The following ZMYM3 variants were observed in gnomAD, a reference collection of about 807,000 sequenced individuals.
ZMYM3 encodes zinc finger MYM-type containing 3, also known as zinc finger MYM-type protein 3.
ZMYM3 carries 6 observed loss-of-function variants against 94.2 expected under a neutral mutation model. The observed-to-expected ratio is 0.06, with a 90% confidence interval of 0.03 to 0.13. ZMYM3 has a LOEUF of 0.13. ZMYM3 is among the 10% of genes least tolerant of loss of function. ZMYM3 has a pLI of 1.00. For synonymous variants in ZMYM3, 420 were observed against 426.5 expected, an observed-to-expected ratio of 0.98 and a Z score of 0.19; for missense variants, 664 against 1,132.6, an observed-to-expected ratio of 0.59 and a Z score of 5.94.
At chrX:71,244,710 T>C (rs183485519) in intron 19 of ZMYM3, 80 bp downstream of exon 19, 657 of 939,824 alleles carry the variant, frequency 7.0e-4, no homozygotes, top group Non-Finnish European at 9.2e-4. Flanking sequence ...GGTCAAACTA[T>C]GGTTGCTGGC....
chrX:71,244,245 T>C lies in ZMYM3; in HGVS notation c.3280+57A>G. On this transcript the variant is annotated intron_variant, in intron 20 of 24. Transcript: ENST00000314425. ...ATCACAGGCCCAGCCCCTTCTCCCC[T>C]TTCCCCTCCTCCTCCCTGTCCCTGC... 8.0e-6 allele frequency: 9 copies of C among 1,121,577 alleles called. No homozygotes were observed. In the Admixed American group the frequency reaches 9.6e-5, roughly 12 times the overall value. 92.4% of individuals were successfully genotyped at this position (1,121,577 alleles called of 1,213,427 possible).
chrX:71,252,279 ACT>A (rs1385843719), intron 2 of ZMYM3, among the ~76,000 whole-genome samples: 3 of 110,711 alleles, frequency 2.7e-5, no homozygotes, highest in African/African-American at 9.9e-5. Flanking sequence ...TGAAGGAAGG[ACT>A]CTGGCACCAA....
Position 71,247,327 on chromosome X carries a change from C to A in ZMYM3, c.2314+18G>T, listed in dbSNP as rs1396231830. The A allele has an allele frequency of 1.7e-6, 2 of 1,174,275 alleles. No homozygotes were observed. The highest frequency in any genetic ancestry group is 3.8e-5 in the South Asian group (2 of 53,076). On this transcript the variant is annotated intron_variant, in intron 13 of 24. Transcript: ENST00000314425. ...CCAGGCTCCCTCTAACAGAGTGTAC[C>A]CCCTGCCTGGGACTCACTGTTCAGG... is the stretch of plus-strand genomic sequence containing the variant.
At chrX:71,244,509 G>T (rs771605276) in intron 19 of ZMYM3, 39 bp from the exon 20 acceptor site, 18 of 1,191,999 alleles carry the variant, frequency 1.5e-5, no homozygotes, top group Non-Finnish European at 1.9e-5. Flanking sequence ...GCAGAGGTAA[G>T]GCCAGAGGCA....
rs2030169906 is a variant in ZMYM3 at position 71,246,350 on chromosome X, C to T, written c.2572+3G>A. ...CCTGTGGCATCGAGGTACCCTGGCT[C>T]ACCTGTTTGACTTCCTTTGGACTTC... On this transcript the variant is annotated splice_donor_region_variant and intron_variant, in intron 15 of 24. Coordinates refer to ENST00000314425, the MANE Select transcript of ZMYM3 (RefSeq NM_201599.3). 1 of 1,210,687 alleles carries T rather than the reference C, an allele frequency of 8.3e-7. No individual in the cohort carries two copies. The highest frequency in any genetic ancestry group is 3.0e-5 in the East Asian group (1 of 33,816).
rs781578942 is a variant in ZMYM3, at chrX:71,253,285, G to A, written c.-19-11C>T. On this transcript the variant is annotated splice_polypyrimidine_tract_variant and intron_variant, in intron 1 of 24. Transcript: ENST00000314425. ...ATGGCTGGATATGTACTGCAGATTA[G>A]GAGTAGAAGAGGGGGCAGTAGAGGT... The A allele has an allele frequency of 1.7e-5, 19 of 1,119,987 alleles. No individual in the cohort carries two copies. The highest frequency in any genetic ancestry group is 2.2e-5 in the Non-Finnish European group (19 of 846,265). 92.3% of individuals were successfully genotyped at this position (1,119,987 alleles called of 1,213,427 possible).
chrX:71,246,369 G>A lies in ZMYM3; in HGVS notation c.2556C>T (p.Ser852=). 8.3e-7 allele frequency: 1 copy of A among 1,208,365 alleles called. No homozygotes were observed. The highest frequency in any genetic ancestry group is 1.8e-5 in the South Asian group (1 of 56,813). The change falls in exon 15 of 25, where the codon TCC becomes TCT. Residue 852 remains serine (S), a synonymous_variant. Transcript: ENST00000314425. ...CTGGCTCACCTGTTTGACTTCCTTTGGACTTCATCTCCACCTTGCAGGAGA... is the reference window on the plus strand; with the variant it reads ...CTGGCTCACCTGTTTGACTTCCTTTAGACTTCATCTCCACCTTGCAGGAGA... ...RGVSCKVEMK[S]KGSQTEEWKP... is the part of the protein sequence containing the mutation.
At chrX:71,250,779 C>T in intron 4 of ZMYM3, 53 bp from the exon 5 acceptor site, 1 of 1,095,553 alleles carries the variant, frequency 9.1e-7, no homozygotes. Flanking sequence ...AGGTCTCCAA[C>T]CATCCCCTGA....
At position 71,239,950 on chromosome X, in the gene ZMYM3, G is replaced by A. The variant is rs1469255051; in HGVS notation, c.*966C>T. 2 of 112,750 alleles carry A rather than the reference G, an allele frequency of 1.8e-5. No homozygotes were observed. The highest frequency in any genetic ancestry group is 2.8e-4 in the East Asian group (1 of 3,590). The allele number at this position is 112,750 out of a possible 1,213,427, so 9.3% of individuals were successfully genotyped here. A position where few individuals can be genotyped will look rare whatever the true frequency, so the allele number is the denominator to read the frequency against. On this transcript the variant is annotated 3_prime_UTR_variant, in exon 25 of 25. Transcript: ENST00000314425. ...GCAGGCCCTGCGCCCACAGCTCCTCGCCTGTCCTTTGACCACAGATCCCAT... is the reference window on the plus strand; with the variant it reads ...GCAGGCCCTGCGCCCACAGCTCCTCACCTGTCCTTTGACCACAGATCCCAT...
rs1051020814 is a variant in ZMYM3 at position 71,254,126 on chromosome X, G to T, written c.-117C>A. On this transcript the variant is annotated 5_prime_UTR_variant, in exon 1 of 25. Coordinates refer to ENST00000314425, the MANE Select transcript of ZMYM3 (RefSeq NM_201599.3). ...CTCCCTCCCTAGCAGCCGGGACAGG[G>T]GTCGCGGCCCCTTTAAATGGCAGCG... 3.6e-5 allele frequency: 4 copies of T among 111,743 alleles called. No individual in the cohort carries two copies. The highest frequency in any genetic ancestry group is 7.5e-5 in the Non-Finnish European group (4 of 53,023). The allele number at this position is 111,743 out of a possible 1,213,427, so 9.2% of individuals were successfully genotyped here. A position where few individuals can be genotyped will look rare whatever the true frequency, so the allele number is the denominator to read the frequency against.
chrX:71,253,442 C>T (rs973851822), intron 1 of ZMYM3, among the ~76,000 whole-genome samples, 168 bp from the exon 2 acceptor site: 1 of 103,486 alleles, frequency 9.7e-6, no homozygotes, highest in African/African-American at 3.5e-5. Flanking sequence ...TGACCACTCC[C>T]CCCAATACAG....
Position 71,248,227 on chromosome X carries a change from C to T in ZMYM3, c.1910G>A (p.Arg637Gln), listed in dbSNP as rs1027009058. The T allele has an allele frequency of 7.4e-6, 9 of 1,208,285 alleles. No homozygotes were observed. The East Asian group carries it at 1.2e-4, about 16-fold the overall frequency. The stretch of plus-strand genomic sequence containing the variant: ...TTTCTCATGCAAGAGTTTCTCCTGC[C>T]GACAGTGCTCACACTGGGACACCAC... ...RGVVSQCEHCRQEKLLHEKLR... is the reference protein window; with the variant it reads ...RGVVSQCEHCQQEKLLHEKLR... The change falls in exon 11 of 25, where the codon CGG (arginine) becomes CAG (glutamine). Residue 637 changes from arginine (R) to glutamine (Q), a missense_variant. By Grantham distance (43) the Arg-to-Gln change is conservative. Around this residue, in one of 9 missense-constraint regions of ZMYM3, gnomAD observed 159 missense variants for 313.0 expected, o/e 0.51. Transcript: ENST00000314425.
chrX:71,250,404 C>T (rs2030399491), intron 5 of ZMYM3, 28 bp downstream of exon 5: 16 of 1,180,840 alleles, frequency 1.4e-5, no homozygotes, highest in Non-Finnish European at 1.7e-5. Flanking sequence ...TCCCTGCCCT[C>T]TGCATAGCCC....
Position 71,250,450 on chromosome X carries a change from G to A in ZMYM3, c.1055C>T (p.Thr352Ile), listed in dbSNP as rs983925579. The change falls in exon 5 of 25, where the codon ACC (threonine) becomes ATC (isoleucine). Residue 352 changes from threonine to isoleucine, a missense_variant. Thr to Ile is a moderately conservative substitution (Grantham distance 89, BLOSUM62 -1). Coordinates refer to ENST00000314425, the MANE Select transcript of ZMYM3 (RefSeq NM_201599.3). ...TFSKKPSGKKTCTFCKKEIWN... is the reference protein window; with the variant it reads ...TFSKKPSGKKICTFCKKEIWN... The stretch of plus-strand genomic sequence containing the variant: ...CACGCACTTCTTGCAGAAGGTACAG[G>A]TCTTTTTGCCCGAGGGCTTCTTGGA... The A allele has an allele frequency of 8.3e-7, 1 of 1,208,640 alleles. No homozygotes were observed. The highest frequency in any genetic ancestry group is 1.7e-5 in the African/African-American group (1 of 57,310).
Position 71,251,314 on chromosome X carries a change from G to C in ZMYM3, c.712-70C>G, listed in dbSNP as rs761211586. On this transcript the variant is annotated intron_variant, in intron 3 of 24. Coordinates refer to ENST00000314425, the MANE Select transcript of ZMYM3 (RefSeq NM_201599.3). ...CCAGGCTAACACTAGTACAGGGTTT[G>C]GGGGGGGATAGAAGATGGGAGGGGG... 50 of 1,008,546 alleles carry C rather than the reference G, an allele frequency of 5.0e-5. No homozygotes were observed. The Admixed American group carries it at 9.6e-4, about 19-fold the overall frequency. The allele number at this position is 1,008,546 out of a possible 1,213,427, so 83.1% of individuals were successfully genotyped here.
At chrX:71,247,236 A>G (rs2030218287) in intron 13 of ZMYM3, 109 bp downstream of exon 13, 3 of 678,264 alleles carry the variant, frequency 4.4e-6, no homozygotes, top group Non-Finnish European at 6.6e-6. Context: ...CTAGCACCCT[A>G]TCTGGCCAGG....
Position 71,253,091 on chromosome X carries a change from T to A in ZMYM3, c.165A>T (p.Gly55=), listed in dbSNP as rs757592698. 2.5e-6 allele frequency: 3 copies of A among 1,201,411 alleles called. No individual in the cohort carries two copies. Among genetic ancestry groups the A allele is most frequent in the Non-Finnish European group, 3.4e-6 (3 of 890,312 alleles). ...WAPPGPSPSS[G]ALDLLDTPAG... is the part of the protein sequence containing the mutation. ...CAGGGGTATCAAGCAGGTCCAGGGC[T>A]CCCGAGGATGGAGAAGGGCCAGGGG... The change falls in exon 2 of 25, where the codon GGA becomes GGT. Residue 55 remains glycine (G), a synonymous_variant. Coordinates refer to ENST00000314425, the MANE Select transcript of ZMYM3 (RefSeq NM_201599.3).
At chrX:71,241,135 G>T in intron 24 of ZMYM3, 27 bp from the exon 25 acceptor site, 1 of 1,199,202 alleles carries the variant, frequency 8.3e-7, no homozygotes, top group Middle Eastern at 2.3e-4. Flanking sequence ...GGGAGTGGGA[G>T]TGGGGGTGGC....
intron 1 of ZMYM3, 112 bp from the exon 2 acceptor site, chrX:71,253,386 C>T (rs2030593785): frequency 3.5e-6 from 2 of 577,099 alleles, no homozygotes; most frequent in Non-Finnish European, 5.1e-6. Flanking sequence ...CATGAGCAGC[C>T]CCCACCACCA....
Sources: gnomAD v4.1 joint callset for allele counts (sites outside exome capture counted in the v4.1 genomes callset) on GRCh38, gnomAD v4.1.1 for gene constraint, gnomAD v4.1.1 regional missense constraint, MANE v1.5 for transcripts, NCBI Gene and HGNC (gene_info 2026-07-23, HGNC 2026-07-21) for gene names.